SLFN5: variants seen among roughly 807,000 people sequenced by gnomAD.
The protein encoded by SLFN5 is schlafen family member 5.
In SLFN5, 34 loss-of-function variants were observed where a neutral mutation model predicts 48.5. The ratio of observed to expected loss-of-function variants is 0.70; its 90% CI spans 0.53 to 0.93. SLFN5 has a LOEUF of 0.93. Ranked by LOEUF, SLFN5 falls within the 40% of genes least tolerant of loss-of-function variation. The probability of loss-of-function intolerance (pLI) is 0.00; values close to 1 mark genes in which losing one functional copy is unlikely to be tolerated. For synonymous variants in SLFN5, 387 were observed against 396.2 expected (o/e 0.98, Z 0.28); for missense variants, 1,006 against 1,071.3 (o/e 0.94, Z 0.85).
chr17:35,256,273 C>T (rs1352784259), intron 1 of SLFN5, among the ~76,000 whole-genome samples: 4 of 152,074 alleles, frequency 2.6e-5, no homozygotes, highest in African/African-American at 2.4e-5. Context: ...GCAGGAGAAT[C>T]GCTTGAACCT....
chr17:35,265,047 A>G (rs1176547427), intron 4 of SLFN5, 25 bp from the exon 5 acceptor site: 2 of 1,585,722 alleles, frequency 1.3e-6, no homozygotes, highest in Admixed American at 1.8e-5. Flanking sequence ...TTCATTGGGG[A>G]AAAACCTGAC....
Position 35,269,400 on chromosome 17 carries a change from T to G in SLFN5, c.*3512T>G, listed in dbSNP as rs1904778634. 1 of 152,198 alleles carries G rather than the reference T, an allele frequency of 6.6e-6. No homozygotes were observed. The highest frequency in any genetic ancestry group is 6.5e-5 in the Admixed American group (1 of 15,286). 9.4% of individuals were successfully genotyped at this position (152,198 alleles called of 1,614,324 possible). On this transcript the variant is annotated 3_prime_UTR_variant, in exon 5 of 5. Coordinates refer to ENST00000299977, the MANE Select transcript of SLFN5 (RefSeq NM_144975.4). The stretch of plus-strand genomic sequence containing the variant: ...TAGGAATTATAATTACAGAAAAGAA[T>G]GTTACAAACCTTCACAAAGTAAAAA...
chr17:35,256,233 C>A (rs1904338475), intron 1 of SLFN5, among the ~76,000 whole-genome samples: 1 of 152,126 alleles, frequency 6.6e-6, no homozygotes, highest in South Asian at 2.1e-4. Context: ...GTGGCAGGCA[C>A]CTGTAGTCCC....
In SLFN5 at chr17:35,259,634, T is replaced by G. The variant is rs1597652261; in HGVS notation, c.944T>G (p.Val315Gly). ...VFAKVPSSWQ[V>G]KDNRVRQLPT... Reference sequence around the variant, plus strand: ...GCCAAAGTGCCTAGTTCCTGGCAGGTGAAGGACAACCGTGTGAGACAATTG... The same window carrying G: ...GCCAAAGTGCCTAGTTCCTGGCAGGGGAAGGACAACCGTGTGAGACAATTG... The change falls in exon 2 of 5, where the codon GTG becomes GGG. Residue 315 changes from valine (V) to glycine (G), a missense_variant. Coordinates refer to ENST00000299977, the MANE Select transcript of SLFN5 (RefSeq NM_144975.4). 6.2e-7 allele frequency: 1 copy of G among 1,605,060 alleles called. No homozygotes were observed. The highest frequency in any genetic ancestry group is 8.5e-7 in the Non-Finnish European group (1 of 1,179,914).
chr17:35,259,066 G>A lies in SLFN5; in HGVS notation c.376G>A (p.Asp126Asn), dbSNP rs757369214. ...GTACCACAGAGAGAGAACATCCACC[G>A]ATGTCATGGATTCTCAGGAAGCTCT... ...NLYHRERTST[D>N]VMDSQEALAF... Residue 126 changes from aspartate to asparagine, a missense_variant, in exon 2 of 5, where the codon GAT (aspartate) becomes AAT (asparagine). Physicochemically the swap from Asp to Asn is conservative, Grantham distance 23. Transcript: ENST00000299977. 1.7e-5 allele frequency: 28 copies of A among 1,614,020 alleles called. 1 individual carries two copies. Among genetic ancestry groups the A allele is most frequent in the South Asian group, 5.5e-5 (5 of 91,080 alleles).
Position 35,270,162 on chromosome 17 carries a change from G to T in SLFN5, c.*4274G>T, listed in dbSNP as rs541770888. 1 of 151,800 alleles carries T rather than the reference G, an allele frequency of 6.6e-6. No individual in the cohort carries two copies. Among genetic ancestry groups the T allele is most frequent in the African/African-American group, 2.4e-5 (1 of 41,262 alleles). 9.4% of individuals were successfully genotyped at this position (151,800 alleles called of 1,614,324 possible). A position where few individuals can be genotyped will look rare whatever the true frequency, so the allele number is the denominator to read the frequency against. On this transcript the variant is annotated 3_prime_UTR_variant, in exon 5 of 5. Transcript: ENST00000299977. Reference sequence around the variant, plus strand: ...ATCTAGCTGTTCTTATATTTTCTCTGATATATTTTTAAAAGCTTTCTGGAA... The same window carrying T: ...ATCTAGCTGTTCTTATATTTTCTCTTATATATTTTTAAAAGCTTTCTGGAA...
chr17:35,267,131 T>C lies in SLFN5; in HGVS notation c.*1243T>C, dbSNP rs948160955. On this transcript the variant is annotated 3_prime_UTR_variant, in exon 5 of 5. Transcript: ENST00000299977. ...CACAGGAAAGCAAGAAATTAGTCTATTGTGAAATGTTTTTACAACTAACTT... is the reference window on the plus strand; with the variant it reads ...CACAGGAAAGCAAGAAATTAGTCTACTGTGAAATGTTTTTACAACTAACTT... 3.2e-4 allele frequency: 48 copies of C among 152,348 alleles called. No homozygotes were observed. The highest frequency in any genetic ancestry group is 1.1e-3 in the African/African-American group (46 of 41,586). The allele number at this position is 152,348 out of a possible 1,614,324, so 9.4% of individuals were successfully genotyped here.
chr17:35,252,473 G>A (rs1296737195), intron 1 of SLFN5, among the ~76,000 whole-genome samples: 1 of 152,136 alleles, frequency 6.6e-6, no homozygotes, highest in Non-Finnish European at 1.5e-5. Flanking sequence ...TTCAGGTTAT[G>A]TGTCGCCTGT....
In SLFN5 at chr17:35,273,542, A is replaced by G. The variant is rs905764286; in HGVS notation, c.*7654A>G. ...GGAGAGTGGGGAGGGTTTACATATG[A>G]AAAATGTAGAAAATACAAAAAGTGT... On this transcript the variant is annotated 3_prime_UTR_variant, in exon 5 of 5. Transcript: ENST00000299977. 5.9e-5 allele frequency: 9 copies of G among 152,236 alleles called. No individual in the cohort carries two copies. Among genetic ancestry groups the G allele is most frequent in the Admixed American group, 5.2e-4 (8 of 15,284 alleles). The allele number at this position is 152,236 out of a possible 1,614,324, so 9.4% of individuals were successfully genotyped here.
At chr17:35,261,369 AC>A (rs1247499396) in intron 3 of SLFN5, among the ~76,000 whole-genome samples, 1 of 152,088 alleles carries the variant, frequency 6.6e-6, no homozygotes, top group African/African-American at 2.4e-5. Context: ...CTCAAAATAT[AC>A]CTTAAAGAAA....
At chr17:35,243,917 C>G (rs1365088782) in intron 1 of SLFN5, among the ~76,000 whole-genome samples, 1 of 152,132 alleles carries the variant, frequency 6.6e-6, no homozygotes, top group African/African-American at 2.4e-5. Context: ...TCTCTCAAAT[C>G]CACCCTAACA....
intron 3 of SLFN5, among the ~76,000 whole-genome samples, chr17:35,263,621 G>C (rs373254307): frequency 1.3e-5 from 2 of 151,190 alleles, no homozygotes; most frequent in South Asian, 2.1e-4. Flanking sequence ...CCAGGAGTTT[G>C]AGACCAGCCT....
In SLFN5 at chr17:35,259,310, G is replaced by C. The variant is rs149039951; in HGVS notation, c.620G>C (p.Cys207Ser). Residue 207 changes from cysteine (C) to serine (S), a missense_variant, in exon 2 of 5, where the codon TGT becomes TCT. Coordinates refer to ENST00000299977, the MANE Select transcript of SLFN5 (RefSeq NM_144975.4). Reference protein sequence around the residue: ...FVMFSTDVSHCVKDRLPKCVS... With the variant: ...FVMFSTDVSHSVKDRLPKCVS... ...ATGTTCTCGACAGACGTGTCACACT[G>C]TGTTAAAGACAGACTTCCGAAGTGT... 6.2e-7 allele frequency: 1 copy of C among 1,614,156 alleles called. No homozygotes were observed. Among genetic ancestry groups the C allele is most frequent in the East Asian group, 2.2e-5 (1 of 44,886 alleles).
rs1438928146 is a variant in SLFN5 at position 35,267,656 on chromosome 17, G to C, written c.*1768G>C. ...GATCACTTGACCTCAGAAGTCTGAGGTTACAGTGAGCTATGATCATACCAG... is the reference window on the plus strand; with the variant it reads ...GATCACTTGACCTCAGAAGTCTGAGCTTACAGTGAGCTATGATCATACCAG... On this transcript the variant is annotated 3_prime_UTR_variant, in exon 5 of 5. Transcript: ENST00000299977. 1.3e-5 allele frequency: 2 copies of C among 152,140 alleles called. No individual in the cohort carries two copies. Among genetic ancestry groups the C allele is most frequent in the Non-Finnish European group, 2.9e-5 (2 of 68,054 alleles). The allele number at this position is 152,140 out of a possible 1,614,324, so 9.4% of individuals were successfully genotyped here. A position where few individuals can be genotyped will look rare whatever the true frequency, so the allele number is the denominator to read the frequency against.
chr17:35,250,615 G>C (rs1442939068), intron 1 of SLFN5, among the ~76,000 whole-genome samples: 2 of 150,070 alleles, frequency 1.3e-5, no homozygotes, highest in African/African-American at 4.9e-5. Context: ...AGCCGAGGTC[G>C]CGCCACTGCA....
chr17:35,245,622 CATT>C (rs1042184145), intron 1 of SLFN5, among the ~76,000 whole-genome samples: 7 of 152,156 alleles, frequency 4.6e-5, no homozygotes, highest in Non-Finnish European at 2.9e-5. Context: ...CACTCAGCAT[CATT>C]GTTTTCAGAT....
rs1904836582 is a variant in SLFN5 at position 35,271,769 on chromosome 17, C to T, written c.*5881C>T. 1.3e-5 allele frequency: 2 copies of T among 152,210 alleles called. No homozygotes were observed. Among genetic ancestry groups the T allele is most frequent in the African/African-American group, 2.4e-5 (1 of 41,444 alleles). 9.4% of individuals were successfully genotyped at this position (152,210 alleles called of 1,614,324 possible). A position where few individuals can be genotyped will look rare whatever the true frequency, so the allele number is the denominator to read the frequency against. On this transcript the variant is annotated 3_prime_UTR_variant, in exon 5 of 5. Coordinates refer to ENST00000299977, the MANE Select transcript of SLFN5 (RefSeq NM_144975.4). ...TGAAGGCCAAGCATGGTGGCTCACT[C>T]CTGTAATCCCAGCACTTTGAGAGGC...
At position 35,259,090 on chromosome 17, in the gene SLFN5, C is replaced by G. The variant is rs148303335; in HGVS notation, c.400C>G (p.Leu134Val). The change falls in exon 2 of 5, where the codon CTG becomes GTG. Residue 134 changes from leucine to valine, a missense_variant. Transcript: ENST00000299977. The stretch of plus-strand genomic sequence containing the variant: ...CGATGTCATGGATTCTCAGGAAGCT[C>G]TGGCATTCCTCAAATGCAGGACTCA... ...STDVMDSQEALAFLKCRTQTP... is the reference protein window; with the variant it reads ...STDVMDSQEAVAFLKCRTQTP... 6 of 1,614,048 alleles carry G rather than the reference C, an allele frequency of 3.7e-6. No individual in the cohort carries two copies. Among genetic ancestry groups the G allele is most frequent in the Non-Finnish European group, 4.2e-6 (5 of 1,180,038 alleles).
Position 35,259,135 on chromosome 17 carries a change from G to A in SLFN5, c.445G>A (p.Val149Ile). Residue 149 changes from valine (V) to isoleucine (I), a missense_variant, in exon 2 of 5, where the codon GTT (valine) becomes ATT (isoleucine). Val to Ile is a conservative substitution (Grantham distance 29). Coordinates refer to ENST00000299977, the MANE Select transcript of SLFN5 (RefSeq NM_144975.4). Reference sequence around the variant, plus strand: ...GACTCAGACTCCAACGAATATTAATGTTTCCAATTCATTAGGTCCACAGGC... The same window carrying A: ...GACTCAGACTCCAACGAATATTAATATTTCCAATTCATTAGGTCCACAGGC... ...CRTQTPTNIN[V>I]SNSLGPQAAQ... 6.2e-7 allele frequency: 1 copy of A among 1,614,140 alleles called. No homozygotes were observed. The highest frequency in any genetic ancestry group is 8.5e-7 in the Non-Finnish European group (1 of 1,180,038).
Sources: allele counts gnomAD v4.1 joint callset (sites outside exome capture counted in the v4.1 genomes callset), GRCh38; gene constraint gnomAD v4.1.1; transcripts MANE v1.5; gene names NCBI Gene and HGNC (gene_info 2026-07-23, HGNC 2026-07-21).